ECI2: variants seen among roughly 807,000 people sequenced by gnomAD.
The protein encoded by ECI2 is enoyl-CoA delta isomerase 2, also known as D3,D2-enoyl-CoA isomerase.
Under a neutral mutation model 38.4 loss-of-function variants are expected in ECI2, and 27 were observed. The ratio of observed to expected loss-of-function variants is 0.70; its 90% CI spans 0.52 to 0.97. The LOEUF is 0.97. Among genes scored for constraint, ECI2 ranks in the 50% least tolerant of loss-of-function variants. The pLI is 0.00. For synonymous variants in ECI2, 168 were observed against 172.0 expected (o/e 0.98, Z 0.18); for missense variants, 470 against 474.4 (o/e 0.99, Z 0.09).
At chr6:4,119,125 A>C in intron 8 of ECI2, 61 bp downstream of exon 8, 46 of 1,323,706 alleles carry the variant, frequency 3.5e-5, no homozygotes, top group East Asian at 4.8e-5. Flanking sequence ...ATATGAGATT[A>C]CTCTTCCTTC....
At chr6:4,134,492 G>A (rs558825356) in intron 1 of ECI2, among the ~76,000 whole-genome samples, 29 of 152,252 alleles carry the variant, frequency 1.9e-4, no homozygotes, top group African/African-American at 6.0e-4. Flanking sequence ...CAGGACTCAG[G>A]CCACAAGCTA....
At chr6:4,131,123 C>CT (rs1471359849) in intron 2 of ECI2, among the ~76,000 whole-genome samples, 1 of 138,584 alleles carries the variant, frequency 7.2e-6, no homozygotes, top group African/African-American at 3.4e-5. Context: ...GAAGTATTTT[C>CT]TAAAAAAATC....
intron 7 of ECI2, among the ~76,000 whole-genome samples, chr6:4,121,679 T>C (rs921607168): frequency 1.4e-5 from 2 of 147,842 alleles, no homozygotes; most frequent in African/African-American, 5.0e-5. Flanking sequence ...TTATTTAGTA[T>C]ATAGTCATTT....
chr6:4,129,636 A>G (rs1403673997), intron 4 of ECI2, among the ~76,000 whole-genome samples: 5 of 152,144 alleles, frequency 3.3e-5, no homozygotes, highest in African/African-American at 9.7e-5. Context: ...AGTGGAAATA[A>G]AGTTTGAGCA....
intron 4 of ECI2, chr6:4,130,014 C>G: frequency 9.0e-7 from 1 of 1,114,210 alleles, no homozygotes; most frequent in Non-Finnish European, 1.3e-6. Flanking sequence ...GAAAGACTTA[C>G]TTTCATGTCT....
Position 4,130,507 on chromosome 6 carries a change from C to T in ECI2, c.366G>A (p.Leu122=), listed in dbSNP as rs767431549. 1.9e-6 allele frequency: 3 copies of T among 1,614,062 alleles called. No homozygotes were observed. In the African/African-American group the frequency reaches 4.0e-5, roughly 22 times the overall value. ...VDLVSSLSPS[L]ESSSQVEPGT... ...CAGGCTCCACCTGACTAGAGGATTCCAATGAAGGACTCAAACTGGACACCA... is the reference window on the plus strand; with the variant it reads ...CAGGCTCCACCTGACTAGAGGATTCTAATGAAGGACTCAAACTGGACACCA... The change falls in exon 4 of 10, where the codon TTG becomes TTA. Residue 122 remains leucine, a synonymous_variant. Coordinates refer to ENST00000380118, the MANE Select transcript of ECI2 (RefSeq NM_206836.3).
intron 5 of ECI2, 94 bp downstream of exon 5, chr6:4,127,668 C>A: frequency 7.5e-7 from 1 of 1,326,114 alleles, no homozygotes; most frequent in Non-Finnish European, 1.0e-6. Flanking sequence ...CTGCCTCGGC[C>A]TCCAGGTCTT....
chr6:4,126,960 C>T (rs1250529118), intron 5 of ECI2, among the ~76,000 whole-genome samples: 2 of 152,176 alleles, frequency 1.3e-5, no homozygotes, highest in Non-Finnish European at 2.9e-5. Flanking sequence ...CCGTAGGCTC[C>T]TTCCTAGCTA....
chr6:4,135,490 C>T (rs771405086), intron 1 of ECI2, 21 bp downstream of exon 1: 3 of 1,585,904 alleles, frequency 1.9e-6, no homozygotes, highest in East Asian at 2.3e-5. Flanking sequence ...ATGGGCCGAA[C>T]GGCCGGGACT....
At chr6:4,120,630 G>A (rs4443542) in intron 7 of ECI2, among the ~76,000 whole-genome samples, 6,598 of 151,998 alleles carry the variant, frequency 0.043, 334 homozygotes, top group East Asian at 0.27. Flanking sequence ...GGGAGGCTGA[G>A]GCACAAGAAT....
intron 5 of ECI2, among the ~76,000 whole-genome samples, chr6:4,127,319 G>A (rs1773226557): frequency 2.0e-5 from 3 of 151,512 alleles, no homozygotes; most frequent in South Asian, 4.2e-4. Flanking sequence ...GGGTAATTGC[G>A]AAGGAGTGGG....
intron 2 of ECI2, among the ~76,000 whole-genome samples, chr6:4,132,913 C>T (rs551910356): frequency 5.3e-5 from 8 of 151,960 alleles, no homozygotes; most frequent in Non-Finnish European, 7.4e-5. Flanking sequence ...TACAGGTGTG[C>T]GCCACCAGTC....
chr6:4,121,845 TA>T (rs1772795669), intron 7 of ECI2: 1 of 486,284 alleles, frequency 2.1e-6, no homozygotes, highest in Admixed American at 4.1e-5. Context: ...ATATAACTGT[TA>T]GAAGATATAA....
chr6:4,135,147 G>C, intron 1 of ECI2: 1 of 548,336 alleles, frequency 1.8e-6, no homozygotes, highest in South Asian at 1.5e-5. Context: ...TTGCACCCCA[G>C]AAGCAGCCCG....
chr6:4,126,281 T>C (rs773898772), intron 5 of ECI2, 44 bp from the exon 6 acceptor site: 15 of 1,534,216 alleles, frequency 9.8e-6, no homozygotes, highest in Middle Eastern at 1.7e-4. Flanking sequence ...AATCATCCTA[T>C]AATTCTTGAG....
chr6:4,135,194 G>A (rs1258322985), intron 1 of ECI2: 2 of 706,152 alleles, frequency 2.8e-6, no homozygotes, highest in Non-Finnish European at 4.8e-6. Context: ...AGCTGGGGCG[G>A]CTCACCCGCC....
At chr6:4,119,859 A>T (rs1363096295) in intron 7 of ECI2, among the ~76,000 whole-genome samples, 1 of 60,426 alleles carries the variant, frequency 1.7e-5, no homozygotes, top group African/African-American at 6.1e-5. Context: ...CCTCCCTCCC[A>T]CCCCCAAGCA....
chr6:4,115,792 A>G lies in ECI2; in HGVS notation c.*82T>C. 1 of 1,522,828 alleles carries G rather than the reference A, an allele frequency of 6.6e-7. No individual in the cohort carries two copies. The highest frequency in any genetic ancestry group is 8.9e-7 in the Non-Finnish European group (1 of 1,125,204). The allele number at this position is 1,522,828 out of a possible 1,614,324, so 94.3% of individuals were successfully genotyped here. ...TTCTAGCACTACAAAAGGCACAATG[A>G]AGCTTATTTAGTTCCAGTACTGGAA... On this transcript the variant is annotated 3_prime_UTR_variant, in exon 10 of 10. Transcript: ENST00000380118.
intron 9 of ECI2, 33 bp from the exon 10 acceptor site, chr6:4,116,062 G>T: frequency 1.9e-6 from 3 of 1,599,594 alleles, no homozygotes; most frequent in Non-Finnish European, 2.6e-6. Flanking sequence ...AAGGTTAAGA[G>T]TTGACCTAGG....
Sources: allele counts gnomAD v4.1 joint callset (sites outside exome capture counted in the v4.1 genomes callset), GRCh38; gene constraint gnomAD v4.1.1; transcripts MANE v1.5; gene names NCBI Gene and HGNC (gene_info 2026-07-23, HGNC 2026-07-21).